The following CEP120 variants were observed in gnomAD, a reference collection of about 807,000 sequenced individuals.
CEP120 encodes the protein centrosomal protein of 120 kDa.
A neutral mutation model predicts 126.5 loss-of-function variants in CEP120; 113 were observed. The observed-to-expected ratio is 0.89, with a 90% CI of 0.77 to 1.04. CEP120 has a LOEUF of 1.04. Among genes scored for constraint, CEP120 ranks in the 50% least tolerant of loss-of-function variants. The probability of loss-of-function intolerance (pLI) is 0.00; values close to 1 mark genes in which losing one functional copy is unlikely to be tolerated. For missense variants in CEP120, 1,230 were observed against 1,155.7 expected (o/e 1.06, Z -0.93); for synonymous variants, 400 against 394.3 (o/e 1.01, Z -0.17).
chr5:123,412,530 C>T lies in CEP120; in HGVS notation c.332G>A (p.Trp111Ter). The T allele has an allele frequency of 6.3e-7, 1 of 1,594,482 alleles. No homozygotes were observed. Among genetic ancestry groups the T allele is most frequent in the African/African-American group, 1.4e-5 (1 of 73,946 alleles). ...TAQETKQAPK[W>*]YQLLSNKYTK... Reference sequence around the variant, plus strand: ...GTATTTATTACTCAGCAACTGGTACCATTTTGGTGCCTAGAGAATAATAAA... The same window carrying T: ...GTATTTATTACTCAGCAACTGGTACTATTTTGGTGCCTAGAGAATAATAAA... The change falls in exon 4 of 20, where the codon TGG becomes TAG. Residue 111 changes from tryptophan to a stop codon, truncating the protein, a stop_gained. Coordinates refer to ENST00000306467, the MANE Select transcript of CEP120 (RefSeq NM_001375405.1). LOFTEE classifies it high-confidence loss of function.
At chr5:123,379,740 T>C (rs1008807638) in intron 14 of CEP120, among the ~76,000 whole-genome samples, 1 of 152,096 alleles carries the variant, frequency 6.6e-6, no homozygotes, top group East Asian at 1.9e-4. Flanking sequence ...TGAGGCACAC[T>C]CTTTCCTCCC....
intron 1 of CEP120, among the ~76,000 whole-genome samples, chr5:123,421,503 A>G (rs1427461162): frequency 6.6e-6 from 1 of 152,186 alleles, no homozygotes; most frequent in Non-Finnish European, 1.5e-5. Flanking sequence ...AATTGCATTT[A>G]TGTCCTGGGT....
chr5:123,399,987 T>C (rs1288323908), intron 4 of CEP120, among the ~76,000 whole-genome samples: 2 of 152,180 alleles, frequency 1.3e-5, no homozygotes, highest in Non-Finnish European at 2.9e-5. Flanking sequence ...TAATTGATAA[T>C]ATCCAATGTT....
chr5:123,383,788 A>G (rs1408543589), intron 11 of CEP120, among the ~76,000 whole-genome samples: 1 of 152,148 alleles, frequency 6.6e-6, no homozygotes, highest in Admixed American at 6.6e-5. Context: ...AGCATTTGTC[A>G]TTAACCAAAT....
intron 5 of CEP120, among the ~76,000 whole-genome samples, chr5:123,394,981 A>G (rs1040076261): frequency 6.6e-6 from 1 of 152,234 alleles, no homozygotes; most frequent in Non-Finnish European, 1.5e-5. Context: ...AATGCCTAGC[A>G]CACAGCTGTT....
chr5:123,350,725 C>A (rs1245608980), intron 18 of CEP120, among the ~76,000 whole-genome samples: 1 of 152,192 alleles, frequency 6.6e-6, no homozygotes, highest in Non-Finnish European at 1.5e-5. Context: ...CAGACTCATA[C>A]AAAAACCTAT....
intron 18 of CEP120, among the ~76,000 whole-genome samples, chr5:123,362,807 T>C (rs1770184312): frequency 6.6e-6 from 1 of 151,698 alleles, no homozygotes; most frequent in Non-Finnish European, 1.5e-5. Flanking sequence ...ATGTCTATTT[T>C]TAAGCCCAAT....
chr5:123,350,475 C>T (rs537839972), intron 18 of CEP120, among the ~76,000 whole-genome samples: 45 of 152,312 alleles, frequency 3.0e-4, no homozygotes, highest in African/African-American at 1.0e-3. Context: ...AGTCATAATC[C>T]TTCAATCAGT....
Position 123,363,909 on chromosome 5 carries a change from T to C in CEP120, c.2580+587A>G, listed in dbSNP as rs116139312. Among the ~76,000 whole-genome samples the C allele has an allele frequency of 5.4e-3, 812 of 151,682 alleles. 7 individuals carry two copies. The highest frequency in any genetic ancestry group is 0.018 in the African/African-American group (765 of 41,500). ...AGATTCAAAATAAAAATCTTATTCA[T>C]AATTTCTTCAAATGATTAAGATCAA... On this transcript the variant is annotated intron_variant, in intron 18 of 19. Coordinates refer to ENST00000306467, the MANE Select transcript of CEP120 (RefSeq NM_001375405.1).
chr5:123,377,403 C>T lies in CEP120; in HGVS notation c.2329G>A (p.Glu777Lys), dbSNP rs145499906. ...TGCTGAAGGCGGTGTTTATCCTCTT[C>T]GAGCTGTTTGATTTTTAACCTTTCT... ...ELERLKIKQLEEDKHRLQQQL... is the reference protein window; with the variant it reads ...ELERLKIKQLKEDKHRLQQQL... The change falls in exon 16 of 20, where the codon GAA becomes AAA. Residue 777 changes from glutamate to lysine, a missense_variant. Glu to Lys is a moderately conservative substitution (Grantham distance 56). Transcript: ENST00000306467. 4.1e-5 allele frequency: 66 copies of T among 1,610,310 alleles called. No homozygotes were observed. Among genetic ancestry groups the T allele is most frequent in the Admixed American group, 5.1e-5 (3 of 58,860 alleles).
intron 17 of CEP120, among the ~76,000 whole-genome samples, chr5:123,369,544 G>A (rs1770703412): frequency 6.6e-6 from 1 of 151,916 alleles, no homozygotes; most frequent in South Asian, 2.1e-4. Context: ...GCTCTAGGAT[G>A]GCCTTCGTCC....
chr5:123,406,758 G>T (rs186784437), intron 4 of CEP120, among the ~76,000 whole-genome samples: 1 of 149,938 alleles, frequency 6.7e-6, no homozygotes, highest in African/African-American at 2.5e-5. Context: ...AATGGCATGG[G>T]TAAGAAGCTC....
Position 123,413,614 on chromosome 5 carries a change from T to C in CEP120, c.322-1074A>G, listed in dbSNP as rs141019275. On this transcript the variant is annotated intron_variant, in intron 3 of 19. Transcript: ENST00000306467. ...CATTTTTTACTCTGATCATTTGTTA[T>C]ATAAAGATATAGTAGATGGTGCTTA... 3.3e-3 allele frequency among the ~76,000 whole-genome samples: 505 copies of C among 152,320 alleles called. 3 individuals carry two copies. Among genetic ancestry groups the C allele is most frequent in the African/African-American group, 0.011 (476 of 41,566 alleles).
intron 17 of CEP120, among the ~76,000 whole-genome samples, chr5:123,365,139 A>G (rs1770365595): frequency 6.6e-6 from 1 of 151,774 alleles, no homozygotes; most frequent in Admixed American, 6.6e-5. Flanking sequence ...AAAGTCAAAA[A>G]TATTTTAAGA....
At chr5:123,411,634 A>G (rs563891691) in intron 4 of CEP120, among the ~76,000 whole-genome samples, 18 of 152,356 alleles carry the variant, frequency 1.2e-4, no homozygotes, top group African/African-American at 4.1e-4. Context: ...CATTCAGGAA[A>G]AGGCAAAACT....
In CEP120 at chr5:123,385,093, T is replaced by C. The variant is rs1771927226; in HGVS notation, c.1621A>G (p.Ser541Gly). Residue 541 changes from serine to glycine, a missense_variant, in exon 11 of 20, where the codon AGT becomes GGT. Ser to Gly is a moderately conservative substitution (Grantham distance 56). Transcript: ENST00000306467. The stretch of plus-strand genomic sequence containing the variant: ...GCAATTCCCAGAAGTAAATCTTTAC[T>C]CATTTTATCCTTGTGCCATAGTTCA... ...LVELWHKDKM[S>G]KDLLLGIARI... is the part of the protein sequence containing the mutation. 1.2e-6 allele frequency: 2 copies of C among 1,613,632 alleles called. No individual in the cohort carries two copies. Among genetic ancestry groups the C allele is most frequent in the Non-Finnish European group, 1.7e-6 (2 of 1,179,758 alleles).
chr5:123,346,975 A>G (rs569858193), intron 19 of CEP120, among the ~76,000 whole-genome samples: 2 of 152,310 alleles, frequency 1.3e-5, no homozygotes, highest in Non-Finnish European at 2.9e-5. Flanking sequence ...CAAATACATG[A>G]AAACTAGATA....
chr5:123,423,253 A>G lies in CEP120; in HGVS notation c.-255T>C. The G allele has an allele frequency of 2.0e-6, 1 of 504,908 alleles. No individual in the cohort carries two copies. The highest frequency in any genetic ancestry group is 2.6e-5 in the South Asian group (1 of 38,084). The allele number at this position is 504,908 out of a possible 1,614,324, so 31.3% of individuals were successfully genotyped here. Reference sequence around the variant, plus strand: ...CACGCTGCAGCCCTGCCAGTCTGCAAGCAGAGACAAGCCCGCCACCCGAGG... The same window carrying G: ...CACGCTGCAGCCCTGCCAGTCTGCAGGCAGAGACAAGCCCGCCACCCGAGG... On this transcript the variant is annotated 5_prime_UTR_variant, in exon 1 of 20. Coordinates refer to ENST00000306467, the MANE Select transcript of CEP120 (RefSeq NM_001375405.1).
chr5:123,405,558 T>C (rs1306219433), intron 4 of CEP120, among the ~76,000 whole-genome samples: 2 of 152,096 alleles, frequency 1.3e-5, no homozygotes, highest in Admixed American at 1.3e-4. Context: ...TGGTCTTCCA[T>C]GCAAGGGAAG....
Sources: gnomAD v4.1 joint callset for allele counts (sites outside exome capture counted in the v4.1 genomes callset) on GRCh38, gnomAD v4.1.1 for gene constraint, MANE v1.5 for transcripts, NCBI Gene and HGNC (gene_info 2026-07-23, HGNC 2026-07-21) for gene names.